TMEM164: variants seen among roughly 807,000 people sequenced by gnomAD.
TMEM164 encodes RP13-360B22.2.
TMEM164 carries 4 observed loss-of-function variants against 18.8 expected under a neutral mutation model. The ratio of observed to expected loss-of-function variants is 0.21; its 90% CI spans 0.10 to 0.49. The LOEUF (loss-of-function observed/expected upper bound fraction) is 0.49, where lower values mean the gene tolerates loss of function less well. Ranked by LOEUF, TMEM164 falls within the 20% of genes least tolerant of loss-of-function variation. TMEM164 has a pLI of 0.98. For synonymous variants in TMEM164, 86 were observed against 101.7 expected (o/e 0.85, Z 0.93); for missense variants, 108 against 239.9 (o/e 0.45, Z 3.63).
At chrX:110,168,233 G>A (rs1336241798) in intron 5 of TMEM164, among the ~76,000 whole-genome samples, 1 of 113,109 alleles carries the variant, frequency 8.8e-6, no homozygotes, top group Non-Finnish European at 1.9e-5. Flanking sequence ...ACGGTGCCCA[G>A]TCCACACTCA....
rs772519388 is a variant in TMEM164, at chrX:110,098,950, A to ATT, written c.441-10110_441-10109dup. Among the ~76,000 whole-genome samples, 137 of 85,054 alleles carry ATT rather than the reference A, an allele frequency of 1.6e-3. 1 individual carries two copies. The highest frequency in any genetic ancestry group is 6.9e-3 in the East Asian group (20 of 2,899). The allele number at this position is 85,054 out of a possible 115,157, so 73.9% of individuals were successfully genotyped here. ...AGGCACCCGCCACCACACCCGGCTA[A>ATT]TTTTTTTTTTTTTTTTTTTTTGTAT... On this transcript the variant is annotated intron_variant, in intron 3 of 6. Coordinates refer to ENST00000372068, the MANE Select transcript of TMEM164 (RefSeq NM_032227.4).
chrX:110,157,546 A>G (rs1468323410), intron 5 of TMEM164, among the ~76,000 whole-genome samples: 3 of 111,523 alleles, frequency 2.7e-5, no homozygotes, highest in Non-Finnish European at 5.6e-5. Context: ...GCCAGGGAAC[A>G]TTGAAGGTAC....
intron 4 of TMEM164, among the ~76,000 whole-genome samples, chrX:110,118,429 C>CA (rs59676046): frequency 0.064 from 7,088 of 110,996 alleles, 568 homozygotes; most frequent in African/African-American, 0.21. Context: ...TCATGTTACA[C>CA]AAAAAATAGA....
intron 3 of TMEM164, among the ~76,000 whole-genome samples, chrX:110,086,638 G>A (rs55980750): frequency 5.9e-5 from 3 of 50,468 alleles, no homozygotes; most frequent in Non-Finnish European, 1.1e-4. Flanking sequence ...GTATATATGT[G>A]TATATATATG....
intron 4 of TMEM164, among the ~76,000 whole-genome samples, chrX:110,122,664 A>G (rs1253838812): frequency 8.9e-6 from 1 of 112,127 alleles, no homozygotes; most frequent in Non-Finnish European, 1.9e-5. Flanking sequence ...TTTGAATGCT[A>G]TTTCTCTGAT....
chrX:110,008,824 G>A (rs1932882019), intron 2 of TMEM164, among the ~76,000 whole-genome samples: 1 of 111,956 alleles, frequency 8.9e-6, no homozygotes, highest in Admixed American at 9.5e-5. Flanking sequence ...GAATAATTAT[G>A]TGGTCACTTA....
chrX:110,134,526 C>T (rs530237402), intron 4 of TMEM164, among the ~76,000 whole-genome samples: 51 of 93,893 alleles, frequency 5.4e-4, no homozygotes, highest in African/African-American at 2.0e-3. Context: ...CACCACTGCA[C>T]GCTAGCCTGA....
At chrX:110,003,398 T>A (rs1424422488) in intron 1 of TMEM164, 103 bp from the exon 2 acceptor site, 2 of 155,764 alleles carry the variant, frequency 1.3e-5, no homozygotes, top group Admixed American at 1.5e-4. Flanking sequence ...ACTGCCCCGT[T>A]CCCGTTTTCT....
intron 1 of TMEM164, 97 bp from the exon 2 acceptor site, chrX:110,003,404 T>G: frequency 6.3e-6 from 1 of 157,964 alleles, no homozygotes; most frequent in Non-Finnish European, 1.2e-5. Context: ...CCGTTCCCGT[T>G]TTCTTCCCTC....
intron 3 of TMEM164, among the ~76,000 whole-genome samples, chrX:110,104,792 A>G (rs1346285478): frequency 8.9e-6 from 1 of 111,768 alleles, no homozygotes; most frequent in Non-Finnish European, 1.9e-5. Flanking sequence ...GTCAACAGTA[A>G]GCTATTGGTA....
chrX:110,084,477 TAGAGAGAG>T (rs369187031), intron 3 of TMEM164, among the ~76,000 whole-genome samples: 1 of 48,944 alleles, frequency 2.0e-5, no homozygotes, highest in Non-Finnish European at 3.0e-5. Flanking sequence ...TATATATATA[TAGAGAGAG>T]AGAGAGAGAG....
rs2067296546 is a variant in TMEM164 at position 110,176,940 on chromosome X, C to T, written c.*3489C>T. The T allele has an allele frequency of 8.9e-6, 1 of 112,564 alleles. No homozygotes were observed. Among genetic ancestry groups the T allele is most frequent in the Admixed American group, 9.3e-5 (1 of 10,790 alleles). The allele number at this position is 112,564 out of a possible 1,213,427, so 9.3% of individuals were successfully genotyped here. On this transcript the variant is annotated 3_prime_UTR_variant, in exon 7 of 7. Transcript: ENST00000372068. ...GATTATGGAGGGTCTCCTGCAGGCC[C>T]TTGTGGGCTCCTTGGCAAGGCCCCA...
chrX:110,181,265 A>G (rs1381824555), downstream of TMEM164, among the ~76,000 whole-genome samples: 2 of 112,400 alleles, frequency 1.8e-5, no homozygotes, highest in Non-Finnish European at 3.8e-5. Context: ...AAGATATACC[A>G]AAAGGTATCA....
At chrX:110,070,279 G>A (rs2065568124) in intron 3 of TMEM164, among the ~76,000 whole-genome samples, 1 of 111,503 alleles carries the variant, frequency 9.0e-6, no homozygotes, top group Non-Finnish European at 1.9e-5. Context: ...CTGTGCCACT[G>A]CACTGCAGCC....
intron 5 of TMEM164, among the ~76,000 whole-genome samples, chrX:110,168,707 C>T (rs1487076315): frequency 1.8e-5 from 2 of 112,519 alleles, no homozygotes; most frequent in Admixed American, 1.9e-4. Flanking sequence ...TCTCCTTTCT[C>T]TTCTCGCCCA....
chrX:110,109,722 C>G (rs1402017495), intron 4 of TMEM164, among the ~76,000 whole-genome samples: 3 of 111,484 alleles, frequency 2.7e-5, no homozygotes, highest in African/African-American at 6.5e-5. Flanking sequence ...AGATTCCTTC[C>G]CCATCCACCC....
downstream of TMEM164, among the ~76,000 whole-genome samples, chrX:110,179,916 T>G (rs905006199): frequency 1.8e-5 from 2 of 112,117 alleles, no homozygotes; most frequent in African/African-American, 6.5e-5. Context: ...TGGAGAACCC[T>G]AGGCTACATA....
At chrX:110,081,839 G>A (rs2065762371) in intron 3 of TMEM164, among the ~76,000 whole-genome samples, 1 of 111,961 alleles carries the variant, frequency 8.9e-6, no homozygotes, top group Non-Finnish European at 1.9e-5. Flanking sequence ...CTAACCAGGG[G>A]CCAGCATGTT....
chrX:110,128,664 T>C (rs902796413), intron 4 of TMEM164, among the ~76,000 whole-genome samples: 13 of 111,734 alleles, frequency 1.2e-4, no homozygotes, highest in Non-Finnish European at 2.3e-4. Flanking sequence ...TTTAGAGATA[T>C]GTTAGTCCAT....
Sources: allele counts gnomAD v4.1 joint callset (sites outside exome capture counted in the v4.1 genomes callset), GRCh38; gene constraint gnomAD v4.1.1; transcripts MANE v1.5; gene names NCBI Gene and HGNC (gene_info 2026-07-23, HGNC 2026-07-21).